Variants in PUS1 observed in about 807,000 individuals in gnomAD.
The protein encoded by PUS1 is pseudouridylate synthase 1 homolog.
A neutral mutation model predicts 38.5 loss-of-function variants in PUS1; 25 were observed. The ratio of observed to expected loss-of-function variants is 0.65; its 90% CI spans 0.47 to 0.91. The LOEUF is 0.91. Among genes scored for constraint, PUS1 ranks in the 40% least tolerant of loss-of-function variants. The pLI is 0.00. For missense variants in PUS1, 597 were observed against 612.3 expected (o/e 0.97, Z 0.26); for synonymous variants, 282 against 260.4 (o/e 1.08, Z -0.80).
chr12:131,932,264 T>G lies in PUS1; in HGVS notation c.393T>G (p.Gly131=), dbSNP rs773761918. The G allele has an allele frequency of 3.7e-6, 6 of 1,613,912 alleles. No individual in the cohort carries two copies. Among genetic ancestry groups the G allele is most frequent in the Non-Finnish European group, 5.1e-6 (6 of 1,179,932 alleles). ...CAGGCTGTATTCCTGAAAATCATGG[T>G]GAGGACATGAGGAAAATGTCCTTCC... ...VRSGCIPENH[G]EDMRKMSFQR... The change falls in exon 3 of 6, where the codon GGT becomes GGG. Residue 131 remains glycine, a synonymous_variant. Coordinates refer to ENST00000376649, the MANE Select transcript of PUS1 (RefSeq NM_025215.6).
intron 3 of PUS1, among the ~76,000 whole-genome samples, chr12:131,935,215 A>G (rs1890770650): frequency 6.6e-6 from 1 of 152,240 alleles, no homozygotes; most frequent in Non-Finnish European, 1.5e-5. Context: ...GGGGTGATGC[A>G]TCTGTGGCTC....
chr12:131,932,801 C>T (rs1340943878), intron 3 of PUS1: 1 of 452,282 alleles, frequency 2.2e-6, no homozygotes, highest in Non-Finnish European at 4.4e-6. Context: ...CTGCTGGGCT[C>T]AAGCAATCCT....
intron 3 of PUS1, among the ~76,000 whole-genome samples, chr12:131,937,945 C>T (rs897831691): frequency 6.6e-6 from 1 of 152,162 alleles, no homozygotes; most frequent in Non-Finnish European, 1.5e-5. Flanking sequence ...ACTGTGACAT[C>T]CTTCAGCAAC....
chr12:131,929,655 C>A lies in PUS1; in HGVS notation c.-68C>A. 3 of 1,178,670 alleles carry A rather than the reference C, an allele frequency of 2.5e-6. No individual in the cohort carries two copies. Among genetic ancestry groups the A allele is most frequent in the South Asian group, 1.5e-5 (1 of 66,502 alleles). The allele number at this position is 1,178,670 out of a possible 1,614,324, so 73.0% of individuals were successfully genotyped here. A position where few individuals can be genotyped will look rare whatever the true frequency, so the allele number is the denominator to read the frequency against. ...CCGAGAGGTTAGGGGTCGGCAGAGG[C>A]GGAGCTGGGGCACTGGGGGTCAGGG... On this transcript the variant is annotated 5_prime_UTR_variant, in exon 1 of 6. Coordinates refer to ENST00000376649, the MANE Select transcript of PUS1 (RefSeq NM_025215.6).
At chr12:131,937,831 C>G (rs1158799177) in intron 3 of PUS1, among the ~76,000 whole-genome samples, 1 of 152,102 alleles carries the variant, frequency 6.6e-6, no homozygotes, top group East Asian at 1.9e-4. Context: ...TGAATGAGAG[C>G]CACTGTGCTT....
chr12:131,932,342 C>T lies in PUS1; in HGVS notation c.441+30C>T, dbSNP rs200217196. 40 of 1,611,832 alleles carry T rather than the reference C, an allele frequency of 2.5e-5. No individual in the cohort carries two copies. The East Asian group carries it at 4.2e-4, about 17-fold the overall frequency. Reference sequence around the variant, plus strand: ...GTGGTGGCCTTCTCTGCCCCTCCCCCGCTGCTATGAGCAGCACGTGGCCCA... The same window carrying T: ...GTGGTGGCCTTCTCTGCCCCTCCCCTGCTGCTATGAGCAGCACGTGGCCCA... On this transcript the variant is annotated intron_variant, in intron 3 of 5. Transcript: ENST00000376649.
chr12:131,930,461 C>G (rs1890552160), intron 2 of PUS1, among the ~76,000 whole-genome samples: 1 of 152,184 alleles, frequency 6.6e-6, no homozygotes, highest in Non-Finnish European at 1.5e-5. Context: ...GGTGTACTGA[C>G]GCTCGGTGCT....
chr12:131,931,465 T>G (rs1890598527), intron 2 of PUS1: 3 of 153,010 alleles, frequency 2.0e-5, no homozygotes, highest in Non-Finnish European at 4.4e-5. Flanking sequence ...GGCCAACCAC[T>G]GTGCACTGCA....
chr12:131,929,459 T>C lies in PUS1; in HGVS notation c.-264T>C. ...TTGATCCGTCAGGGTCCCGGGGCGGTCTGGGGGCAGTAGAGACGGGGCTTG... is the reference window on the plus strand; with the variant it reads ...TTGATCCGTCAGGGTCCCGGGGCGGCCTGGGGGCAGTAGAGACGGGGCTTG... On this transcript the variant is annotated 5_prime_UTR_variant, in exon 1 of 6. Coordinates refer to ENST00000376649, the MANE Select transcript of PUS1 (RefSeq NM_025215.6). 1 of 419,520 alleles carries C rather than the reference T, an allele frequency of 2.4e-6. No homozygotes were observed. Among genetic ancestry groups the C allele is most frequent in the East Asian group, 3.6e-5 (1 of 27,400 alleles). 26.0% of individuals were successfully genotyped at this position (419,520 alleles called of 1,614,324 possible).
At chr12:131,940,556 T>A (rs559409230) in intron 4 of PUS1, among the ~76,000 whole-genome samples, 4 of 152,280 alleles carry the variant, frequency 2.6e-5, no homozygotes, top group African/African-American at 9.6e-5. Flanking sequence ...CTGTTGATTT[T>A]ACCCACTGTT....
Position 131,945,476 on chromosome 12 carries a change from G to C in PUS1, c.*1890G>C, listed in dbSNP as rs985404283. On this transcript the variant is annotated 3_prime_UTR_variant, in exon 6 of 6. Transcript: ENST00000376649. ...GGTTCTAAGCATGTTAATTTTACCT[G>C]GGATAGACAGGACTTTATTTTTTAT... The C allele has an allele frequency of 3.3e-5, 5 of 152,332 alleles. No individual in the cohort carries two copies. The highest frequency in any genetic ancestry group is 1.2e-4 in the African/African-American group (5 of 41,570). The allele number at this position is 152,332 out of a possible 1,614,324, so 9.4% of individuals were successfully genotyped here.
At chr12:131,938,877 A>G (rs1440946367) in intron 3 of PUS1, among the ~76,000 whole-genome samples, 1 of 152,054 alleles carries the variant, frequency 6.6e-6, no homozygotes, top group Non-Finnish European at 1.5e-5. Flanking sequence ...GCCTGTCACC[A>G]TGCCCGGCTA....
At chr12:131,930,205 G>T in intron 2 of PUS1, 70 bp downstream of exon 2, 1 of 1,127,186 alleles carries the variant, frequency 8.9e-7, no homozygotes, top group South Asian at 2.2e-5. Flanking sequence ...GGAAGCGGTG[G>T]GTCCGGCTGG....
chr12:131,941,493 C>G lies in PUS1; in HGVS notation c.746C>G (p.Thr249Ser). Residue 249 changes from threonine to serine, a missense_variant, in exon 5 of 6, where the codon ACC (threonine) becomes AGC (serine). Transcript: ENST00000376649. The surrounding 1 kb of genome is among the most constrained non-coding windows in gnomAD (Gnocchi z 4.4). ...GGCACGCACAACTTCCACAATTTCA[C>G]CTCGCAGAAGGGGCCGCAGGATCCC... ...YKGTHNFHNF[T>S]SQKGPQDPSA... is the part of the protein sequence containing the mutation. 6.2e-7 allele frequency: 1 copy of G among 1,613,638 alleles called. No homozygotes were observed. Among genetic ancestry groups the G allele is most frequent in the Non-Finnish European group, 8.5e-7 (1 of 1,179,526 alleles).
At chr12:131,940,563 T>C (rs1375537464) in intron 4 of PUS1, among the ~76,000 whole-genome samples, 2 of 152,130 alleles carry the variant, frequency 1.3e-5, no homozygotes, top group Non-Finnish European at 2.9e-5. Flanking sequence ...TTTTACCCAC[T>C]GTTAAGTTTT....
chr12:131,939,184 A>AG lies in PUS1; in HGVS notation c.454dup (p.Ala152GlyfsTer13), dbSNP rs1555268564. 2 of 1,558,564 alleles carry AG rather than the reference A, an allele frequency of 1.3e-6. No homozygotes were observed. The highest frequency in any genetic ancestry group is 1.7e-6 in the Non-Finnish European group (2 of 1,150,132). ...TGCTTTGTTTACAGGGTGTGTCCGC[A>AG]GCCGGCCAGGTGGTATCCCTGAAGG... is the stretch of plus-strand genomic sequence containing the variant. On this transcript the variant is annotated frameshift_variant, in exon 4 of 6. Coordinates refer to ENST00000376649, the MANE Select transcript of PUS1 (RefSeq NM_025215.6). LOFTEE classifies it high-confidence loss of function.
chr12:131,935,354 A>G (rs1050944947), intron 3 of PUS1, among the ~76,000 whole-genome samples: 21 of 152,226 alleles, frequency 1.4e-4, no homozygotes, highest in Non-Finnish European at 2.9e-4. Context: ...GCATTTCAAA[A>G]TAGGGTCCTT....
rs776626629 is a variant in PUS1, at chr12:131,941,588, G to A, written c.841G>A (p.Val281Met). 2.5e-5 allele frequency: 41 copies of A among 1,614,114 alleles called. No homozygotes were observed. In the Admixed American group the frequency reaches 5.0e-4, roughly 20 times the overall value. ...PFVREGLEFA[V>M]IRVKGQSFMM... ...TGTGCGGGAGGGCCTGGAGTTTGCG[G>A]TGATCAGGGTGAAGGGCCAGAGCTT... is the stretch of plus-strand genomic sequence containing the variant. Residue 281 changes from valine (V) to methionine (M), a missense_variant, in exon 5 of 6, where the codon GTG (valine) becomes ATG (methionine). Physicochemically the swap from Val to Met is conservative, Grantham distance 21. Transcript: ENST00000376649. The surrounding 1 kb of genome is among the most constrained non-coding windows in gnomAD (Gnocchi z 4.4).
At chr12:131,939,075 T>G (rs995005696) in intron 3 of PUS1, 98 bp from the exon 4 acceptor site, 1 of 802,124 alleles carries the variant, frequency 1.2e-6, no homozygotes, top group Non-Finnish European at 2.1e-6. Context: ...AATTCATGTG[T>G]GAAATGACGT....
Sources: gnomAD v4.1 joint callset for allele counts (sites outside exome capture counted in the v4.1 genomes callset) on GRCh38, gnomAD v4.1.1 for gene constraint, Gnocchi (gnomAD v3.1) non-coding constraint, MANE v1.5 for transcripts, NCBI Gene and HGNC (gene_info 2026-07-23, HGNC 2026-07-21) for gene names.